IDO2: variants seen among roughly 807,000 people sequenced by gnomAD.
IDO2 encodes indoleamine 2,3-dioxygenase-like 1 protein.
IDO2 carries 46 observed loss-of-function variants against 45.1 expected under a neutral mutation model. That is an observed-to-expected ratio of 1.02 (90% CI 0.80 to 1.30). The LOEUF (loss-of-function observed/expected upper bound fraction) is 1.30, where lower values mean the gene tolerates loss of function less well. Ranked by LOEUF, IDO2 falls within the 50% of genes most tolerant of loss-of-function variation. IDO2 has a pLI of 0.00. For missense variants in IDO2, 544 were observed against 491.8 expected, an observed-to-expected ratio of 1.11 and a Z score of -1.00; for synonymous variants, 218 against 184.9, an observed-to-expected ratio of 1.18 and a Z score of -1.45.
chr8:39,999,486 C>G (rs971504613), intron 8 of IDO2, among the ~76,000 whole-genome samples: 5 of 152,004 alleles, frequency 3.3e-5, no homozygotes, highest in African/African-American at 1.2e-4. Flanking sequence ...ACTATGTTGG[C>G]CAGGCTGGTC....
exon 11 of IDO2, chr8:40,015,269 G>A: frequency 6.2e-7 from 1 of 1,609,540 alleles, no homozygotes; most frequent in Non-Finnish European, 8.5e-7. Flanking sequence ...ACAGAATGAG[G>A]GATTACATGC....
At chr8:39,970,719 A>G (rs941349234) in intron 3 of IDO2, among the ~76,000 whole-genome samples, 4 of 150,932 alleles carry the variant, frequency 2.7e-5, no homozygotes, top group African/African-American at 9.8e-5. Flanking sequence ...TAGGTGTTCA[A>G]TGCAGACAAA....
Position 39,976,736 on chromosome 8 carries a change from C to G in IDO2, c.196-2331C>G, listed in dbSNP as rs138268486. Among the ~76,000 whole-genome samples the G allele has an allele frequency of 1.4e-3, 206 of 152,212 alleles. 1 individual carries two copies. The highest frequency in any genetic ancestry group is 2.6e-3 in the Non-Finnish European group (176 of 68,030). On this transcript the variant is annotated intron_variant, in intron 3 of 10. Transcript: ENST00000502986. ...CATATTTGGCCCTCCCAAACTGAGGCCAGAGACTGTCAAAATGTTAGCTGA... is the reference window on the plus strand; with the variant it reads ...CATATTTGGCCCTCCCAAACTGAGGGCAGAGACTGTCAAAATGTTAGCTGA...
chr8:39,966,274 G>A (rs568674842), intron 3 of IDO2, among the ~76,000 whole-genome samples: 1 of 152,118 alleles, frequency 6.6e-6, no homozygotes, highest in East Asian at 1.9e-4. Flanking sequence ...TGATCCACCA[G>A]CCTCAGCCTC....
At chr8:39,993,249 G>C (rs1260921937) in intron 8 of IDO2, among the ~76,000 whole-genome samples, 1 of 148,360 alleles carries the variant, frequency 6.7e-6, no homozygotes, top group African/African-American at 2.5e-5. Context: ...TTCTTTTTTT[G>C]GCATGCTTAC....
At chr8:39,945,734 T>A (rs1807718623) in intron 1 of IDO2, among the ~76,000 whole-genome samples, 1 of 152,196 alleles carries the variant, frequency 6.6e-6, no homozygotes, top group Admixed American at 6.5e-5. Context: ...TCCATTCAGT[T>A]GGTTGAAGAG....
chr8:39,948,542 G>A (rs1807771849), intron 1 of IDO2, among the ~76,000 whole-genome samples: 1 of 152,170 alleles, frequency 6.6e-6, no homozygotes, highest in African/African-American at 2.4e-5. Flanking sequence ...ATCCCTCCAG[G>A]AGCGCTTACT....
At chr8:39,962,621 T>C (rs1808016618) in intron 2 of IDO2, among the ~76,000 whole-genome samples, 1 of 152,122 alleles carries the variant, frequency 6.6e-6, no homozygotes, top group Admixed American at 6.6e-5. Context: ...TGACGGAATT[T>C]ATTAAGCAAA....
chr8:39,970,307 A>T (rs999830928), intron 3 of IDO2, among the ~76,000 whole-genome samples: 14 of 152,278 alleles, frequency 9.2e-5, no homozygotes, highest in African/African-American at 2.7e-4. Flanking sequence ...GCAAGTGCTG[A>T]TGGAGAAGCT....
chr8:39,992,967 C>T lies in IDO2; in HGVS notation c.667+3129C>T, dbSNP rs189394299. 1.4e-4 allele frequency among the ~76,000 whole-genome samples: 22 copies of T among 152,252 alleles called. No homozygotes were observed. The East Asian group carries it at 4.1e-3, about 28-fold the overall frequency. On this transcript the variant is annotated intron_variant, in intron 8 of 10. Transcript: ENST00000502986. ...CAGCTTTTCTCAGTTTTGTAAAGCG[C>T]TCACTTCTGAGTGGAAGACAGAACC...
In IDO2 at chr8:39,972,105, G is replaced by A. The variant is rs117946515; in HGVS notation, c.196-6962G>A. On this transcript the variant is annotated intron_variant, in intron 3 of 10. Transcript: ENST00000502986. ...GATTACAGGCGTGGGCCAACACCCCGGCTGCATGATTGAACTTTAAGAGAT... is the reference window on the plus strand; with the variant it reads ...GATTACAGGCGTGGGCCAACACCCCAGCTGCATGATTGAACTTTAAGAGAT... Among the ~76,000 whole-genome samples the A allele has an allele frequency of 1.6e-3, 241 of 152,140 alleles. 7 individuals carry two copies. In the East Asian group the frequency reaches 0.041, roughly 26 times the overall value.
chr8:39,979,351 A>G (rs757421684), intron 4 of IDO2, among the ~76,000 whole-genome samples, 165 bp downstream of exon 4: 94 of 150,586 alleles, frequency 6.2e-4, no homozygotes, highest in Admixed American at 2.7e-3. Context: ...ATTATTTATT[A>G]TTATTATTTT....
At position 39,979,049 on chromosome 8, in the gene IDO2, T is replaced by C. The variant is rs1808302004; in HGVS notation, c.196-18T>C. ...GTTCCCATCCCTCCTCTGACGGCAT[T>C]TGGACTTTCATGAACAGATGCCCCT... is the stretch of plus-strand genomic sequence containing the variant. On this transcript the variant is annotated intron_variant, in intron 3 of 10. Transcript: ENST00000502986. 6.4e-7 allele frequency: 1 copy of C among 1,564,984 alleles called. No homozygotes were observed. The highest frequency in any genetic ancestry group is 1.4e-5 in the African/African-American group (1 of 73,860).
chr8:39,992,121 C>A (rs192477359), intron 8 of IDO2, among the ~76,000 whole-genome samples: 1 of 152,254 alleles, frequency 6.6e-6, no homozygotes, highest in African/African-American at 2.4e-5. Flanking sequence ...TCCTCCACAG[C>A]GTGGCCTGGG....
At chr8:39,989,969 ACTAT>A (rs1187450123) in intron 8 of IDO2, 131 bp downstream of exon 8, 1 of 596,690 alleles carries the variant, frequency 1.7e-6, no homozygotes, top group Non-Finnish European at 3.0e-6. Context: ...ACGCTGGTGG[ACTAT>A]CTTTGTTTTA....
At chr8:39,947,047 T>C (rs866059142) in intron 1 of IDO2, among the ~76,000 whole-genome samples, 50 of 151,800 alleles carry the variant, frequency 3.3e-4, no homozygotes, top group African/African-American at 1.1e-3. Context: ...TCCCAATTAC[T>C]TGGGAGACTG....
chr8:39,968,450 G>T (rs1470530671), intron 3 of IDO2, among the ~76,000 whole-genome samples: 1 of 152,158 alleles, frequency 6.6e-6, no homozygotes, highest in Non-Finnish European at 1.5e-5. Flanking sequence ...TGGATATATG[G>T]CTCTAGGCAC....
intron 6 of IDO2, chr8:39,986,239 T>C (rs938617220): frequency 3.9e-5 from 6 of 152,276 alleles, no homozygotes; most frequent in Admixed American, 1.3e-4. Flanking sequence ...TGTTATTACA[T>C]AGACTGGAGC....
intron 5 of IDO2, chr8:39,984,924 C>CTTATTTAT (rs57793815): frequency 2.2e-4 from 91 of 412,826 alleles, no homozygotes; most frequent in Middle Eastern, 3.7e-4. Flanking sequence ...AGTGAAATAA[C>CTTATTTAT]TTATTTATTT....
Sources: gnomAD v4.1 joint callset for allele counts (sites outside exome capture counted in the v4.1 genomes callset) on GRCh38, gnomAD v4.1.1 for gene constraint, MANE v1.5 for transcripts, NCBI Gene and HGNC (gene_info 2026-07-23, HGNC 2026-07-21) for gene names.